Variants in ALDH1L2 observed in about 807,000 individuals in gnomAD.
The protein encoded by ALDH1L2 is mitochondrial 10-formyltetrahydrofolate dehydrogenase.
ALDH1L2 carries 91 observed loss-of-function variants against 111.0 expected under a neutral mutation model. The ratio of observed to expected loss-of-function variants is 0.82; its 90% confidence interval spans 0.69 to 0.98. ALDH1L2 has a LOEUF of 0.98. Ranked by LOEUF, ALDH1L2 falls within the 50% of genes least tolerant of loss-of-function variation. The pLI is 0.00. For missense variants in ALDH1L2, 995 were observed against 1,126.8 expected (o/e 0.88, Z 1.67); for synonymous variants, 374 against 392.6 (o/e 0.95, Z 0.56).
rs181879254 is a variant in ALDH1L2, at chr12:105,040,782, G to A, written c.1864-88C>T. 36 of 1,019,408 alleles carry A rather than the reference G, an allele frequency of 3.5e-5. 1 individual carries two copies. In the African/African-American group the frequency reaches 5.7e-4, roughly 16 times the overall value. 63.1% of individuals were successfully genotyped at this position (1,019,408 alleles called of 1,614,324 possible). ...CAGTTTTCCCTTGATAGCTGCACTAGATCTCATTTTATTTTTATTGTACAT... is the reference window on the plus strand; with the variant it reads ...CAGTTTTCCCTTGATAGCTGCACTAAATCTCATTTTATTTTTATTGTACAT... On this transcript the variant is annotated intron_variant, in intron 15 of 22. Coordinates refer to ENST00000258494, the MANE Select transcript of ALDH1L2 (RefSeq NM_001034173.4).
chr12:105,084,412 G>C lies in ALDH1L2; in HGVS notation c.25C>G (p.Leu9Val), dbSNP rs772804667. Residue 9 changes from leucine to valine, a missense_variant, in exon 1 of 23, where the codon CTC becomes GTC. Physicochemically the swap from Leu to Val is conservative, Grantham distance 32 (BLOSUM62 1). Transcript: ENST00000258494. MLRRGSQA[L>V]RRFSTGRVYF... is the part of the protein sequence containing the mutation. ...ACCCGGCCAGTGGAGAAGCGCCGGAGCGCCTGGCTGCCCCGCCGCAGCATG... is the reference window on the plus strand; with the variant it reads ...ACCCGGCCAGTGGAGAAGCGCCGGACCGCCTGGCTGCCCCGCCGCAGCATG... 6.7e-7 allele frequency: 1 copy of C among 1,495,064 alleles called. No individual in the cohort carries two copies. Among genetic ancestry groups the C allele is most frequent in the African/African-American group, 1.4e-5 (1 of 69,472 alleles). 92.6% of individuals were successfully genotyped at this position (1,495,064 alleles called of 1,614,324 possible). A position where few individuals can be genotyped will look rare whatever the true frequency, so the allele number is the denominator to read the frequency against.
chr12:105,052,089 C>G lies in ALDH1L2; in HGVS notation c.1535+1G>C. ...AATAAAAAAATAAAAAATAGAAATACCTATACATCAATCTTCCTCTTTCTC... is the reference window on the plus strand; with the variant it reads ...AATAAAAAAATAAAAAATAGAAATAGCTATACATCAATCTTCCTCTTTCTC... On this transcript the variant is annotated splice_donor_variant, in intron 12 of 22. Transcript: ENST00000258494. LOFTEE classifies it high-confidence loss of function. 5 of 1,596,492 alleles carry G rather than the reference C, an allele frequency of 3.1e-6. No homozygotes were observed. The highest frequency in any genetic ancestry group is 4.3e-6 in the Non-Finnish European group (5 of 1,173,502).
chr12:105,040,102 G>C (rs1427959276), intron 16 of ALDH1L2, among the ~76,000 whole-genome samples: 1 of 136,810 alleles, frequency 7.3e-6, no homozygotes, highest in African/African-American at 2.9e-5. Context: ...CTCCAGCCGG[G>C]GCAACAGAGT....
intron 18 of ALDH1L2, 96 bp from the exon 19 acceptor site, chr12:105,034,494 C>T (rs1874873323): frequency 5.7e-6 from 6 of 1,048,902 alleles, no homozygotes; most frequent in South Asian, 1.4e-5. Flanking sequence ...TTTTGGAAGA[C>T]AGCAGGCAAT....
intron 18 of ALDH1L2, among the ~76,000 whole-genome samples, chr12:105,035,919 T>C (rs1874973034): frequency 9.0e-6 from 1 of 111,208 alleles, no homozygotes; most frequent in Admixed American, 8.9e-5. Context: ...ATATTATATA[T>C]ATACATATAT....
At chr12:105,050,673 G>A (rs1290116095) in intron 12 of ALDH1L2, 2 of 453,836 alleles carry the variant, frequency 4.4e-6, no homozygotes, top group Admixed American at 4.7e-5. Flanking sequence ...GACAATCTTT[G>A]TTCCAGATCT....
At position 105,075,210 on chromosome 12, in the gene ALDH1L2, T is replaced by A. The variant is rs185988395; in HGVS notation, c.49-1205A>T. Among the ~76,000 whole-genome samples, 267 of 152,352 alleles carry A rather than the reference T, an allele frequency of 1.8e-3. 3 individuals carry two copies. The South Asian group carries it at 0.03, about 17-fold the overall frequency. On this transcript the variant is annotated intron_variant, in intron 1 of 22. Coordinates refer to ENST00000258494, the MANE Select transcript of ALDH1L2 (RefSeq NM_001034173.4). ...AGCCAAGAGACTGAGATGACTCAAA[T>A]GTAATGTGCCGCTCGGCTGTCGTCT...
chr12:105,038,260 T>A (rs76971370), intron 17 of ALDH1L2, 58 bp from the exon 18 acceptor site: 12,343 of 570,198 alleles, frequency 0.022, 10 homozygotes, highest in Non-Finnish European at 0.026. Flanking sequence ...TCTCTCTCTC[T>A]CACACACACA....
intron 6 of ALDH1L2, 138 bp downstream of exon 6, chr12:105,065,129 C>T (rs6539185): frequency 0.67 from 307,815 of 459,200 alleles, 104,599 homozygotes; most frequent in South Asian, 0.76. Flanking sequence ...TTAATACATG[C>T]TGAGTAAAGG....
At chr12:105,064,863 A>C (rs1592798895) in intron 6 of ALDH1L2, among the ~76,000 whole-genome samples, 1 of 152,132 alleles carries the variant, frequency 6.6e-6, no homozygotes, top group East Asian at 1.9e-4. Context: ...CTCCTTTTGC[A>C]AGTCCTTGAC....
At chr12:105,054,911 G>C (rs1876520380) in intron 10 of ALDH1L2, among the ~76,000 whole-genome samples, 1 of 151,982 alleles carries the variant, frequency 6.6e-6, no homozygotes, top group Non-Finnish European at 1.5e-5. Context: ...CCTATTCCTG[G>C]GACATTTGTC....
chr12:105,023,762 C>CT lies in ALDH1L2; in HGVS notation c.*661dup, dbSNP rs1874275047. ...TCATATGTAAAATTTGCTTCAAAAG[C>CT]TATTTACTAAAATTTAAACTATGTG... On this transcript the variant is annotated 3_prime_UTR_variant, in exon 23 of 23. Coordinates refer to ENST00000258494, the MANE Select transcript of ALDH1L2 (RefSeq NM_001034173.4). 6.6e-6 allele frequency: 1 copy of CT among 152,088 alleles called. No homozygotes were observed. The highest frequency in any genetic ancestry group is 1.5e-5 in the Non-Finnish European group (1 of 68,034). The allele number at this position is 152,088 out of a possible 1,614,324, so 9.4% of individuals were successfully genotyped here.
In ALDH1L2 at chr12:105,058,153, T is replaced by G; in HGVS notation, c.1207A>C (p.Thr403Pro). 6.2e-7 allele frequency: 1 copy of G among 1,613,822 alleles called. No individual in the cohort carries two copies. The highest frequency in any genetic ancestry group is 8.5e-7 in the Non-Finnish European group (1 of 1,179,902). ...TTTTGGATAAAGCCTTCAAACTTGG[T>G]GGCCATATAGACATCTTCATTCTGC... ...QLQNEDVYMA[T>P]KFEGFIQKVV... The change falls in exon 10 of 23, where the codon ACC becomes CCC. Residue 403 changes from threonine (T) to proline (P), a missense_variant. By Grantham distance (38) the Thr-to-Pro change is conservative. Coordinates refer to ENST00000258494, the MANE Select transcript of ALDH1L2 (RefSeq NM_001034173.4).
intron 10 of ALDH1L2, among the ~76,000 whole-genome samples, chr12:105,053,221 A>G (rs1352934869): frequency 6.6e-6 from 1 of 152,224 alleles, no homozygotes; most frequent in Non-Finnish European, 1.5e-5. Context: ...CCTCTAGATA[A>G]TGGAAACACC....
At chr12:105,028,817 C>T (rs1296810407) in intron 21 of ALDH1L2, among the ~76,000 whole-genome samples, 2 of 152,166 alleles carry the variant, frequency 1.3e-5, no homozygotes, top group East Asian at 3.8e-4. Flanking sequence ...AAATACTTGA[C>T]TTAGTAATAC....
At chr12:105,080,328 A>G (rs1360575100) in intron 1 of ALDH1L2, among the ~76,000 whole-genome samples, 1 of 152,072 alleles carries the variant, frequency 6.6e-6, no homozygotes, top group East Asian at 1.9e-4. Context: ...TCTAAGTTGC[A>G]TTTGCCTGAT....
intron 17 of ALDH1L2, 80 bp from the exon 18 acceptor site, chr12:105,038,282 AC>A (rs1281956986): frequency 2.1e-4 from 8 of 38,988 alleles, no homozygotes; most frequent in African/African-American, 1.4e-3. Context: ...ACACACAAAC[AC>A]ACACACACAC....
chr12:105,082,754 G>C (rs929208135), intron 1 of ALDH1L2, among the ~76,000 whole-genome samples: 1 of 152,180 alleles, frequency 6.6e-6, no homozygotes, highest in African/African-American at 2.4e-5. Context: ...ATAGGTTTAT[G>C]TTTAACTACA....
intron 5 of ALDH1L2, 90 bp downstream of exon 5, chr12:105,066,478 C>T: frequency 7.8e-7 from 1 of 1,278,928 alleles, no homozygotes; most frequent in Non-Finnish European, 1.1e-6. Context: ...AGCTGGCTTA[C>T]CTTTTGGCAA....
Sources: allele counts gnomAD v4.1 joint callset (sites outside exome capture counted in the v4.1 genomes callset), GRCh38; gene constraint gnomAD v4.1.1; transcripts MANE v1.5; gene names NCBI Gene and HGNC (gene_info 2026-07-23, HGNC 2026-07-21).